COG5: variants seen among roughly 807,000 people sequenced by gnomAD.
COG5 encodes the protein conserved oligomeric Golgi complex subunit 5.
A neutral mutation model predicts 110.4 loss-of-function variants in COG5; 86 were observed. The observed-to-expected ratio is 0.78, with a 90% CI of 0.65 to 0.93. COG5 has a LOEUF of 0.93. COG5 is among the 40% of genes least tolerant of loss of function. The probability of loss-of-function intolerance (pLI) is 0.00; values close to 1 mark genes in which losing one functional copy is unlikely to be tolerated. For missense variants in COG5, 1,077 were observed against 987.0 expected (o/e 1.09, Z -1.22); for synonymous variants, 360 against 334.6 (o/e 1.08, Z -0.83).
rs527333305 is a variant in COG5 at position 107,392,618 on chromosome 7, TAAA to T, written c.670-19861_670-19859del. Among the ~76,000 whole-genome samples, 18 of 148,102 alleles carry T rather than the reference TAAA, an allele frequency of 1.2e-4. No homozygotes were observed. The South Asian group carries it at 3.8e-3, about 31-fold the overall frequency. Reference sequence around the variant, plus strand: ...GAGTTTTCTGTTTCACTAAGAATATTAAAAAACAACTTACTATCTACTATCACT... The same window carrying T: ...GAGTTTTCTGTTTCACTAAGAATATTAAACAACTTACTATCTACTATCACT... On this transcript the variant is annotated intron_variant, in intron 7 of 21. Transcript: ENST00000297135.
At chr7:107,265,387 C>G (rs1803714891) in intron 14 of COG5, among the ~76,000 whole-genome samples, 1 of 152,132 alleles carries the variant, frequency 6.6e-6, no homozygotes, top group Non-Finnish European at 1.5e-5. Context: ...AAGTGATCCT[C>G]CCATCTCAGC....
At chr7:107,352,613 A>ACTGAAAAGATTTCAAAT in intron 10 of COG5, among the ~76,000 whole-genome samples, 1 of 99,666 alleles carries the variant, frequency 1.0e-5, no homozygotes, top group Admixed American at 9.5e-5. Flanking sequence ...ATCTCATAAT[A>ACTGAAAAGATTTCAAAT]TTGAAAAGAT....
intron 16 of COG5, among the ~76,000 whole-genome samples, chr7:107,250,762 G>T (rs528146101): frequency 6.6e-6 from 1 of 152,150 alleles, no homozygotes; most frequent in South Asian, 2.1e-4. Context: ...GATAGGCTTC[G>T]TAGAAGAATT....
intron 5 of COG5, among the ~76,000 whole-genome samples, chr7:107,541,496 CAAAAAAAA>C (rs869244428): frequency 1.0e-3 from 33 of 31,892 alleles, no homozygotes; most frequent in East Asian, 2.9e-3. Context: ...GACCCTGTCT[CAAAAAAAA>C]AAAAAAAAAA....
rs1796831420 is a variant in COG5, at chr7:107,474,218, T to C, written c.538+53019A>G. 1.2e-6 allele frequency: 2 copies of C among 1,613,274 alleles called. No homozygotes were observed. Among genetic ancestry groups the C allele is most frequent in the Non-Finnish European group, 1.7e-6 (2 of 1,179,398 alleles). On this transcript the variant is annotated intron_variant, in intron 6 of 21. Transcript: ENST00000297135. This position sits in a 1 kb window ranked among gnomAD's most constrained non-coding sequence, Gnocchi z 5.7. ...ACCGGATTTCTTATGTTAGAAATTG[T>C]GTTGGGACTTGGCAGCAACCTCACT... is the stretch of plus-strand genomic sequence containing the variant.
rs961806946 is a variant in COG5 at position 107,346,225 on chromosome 7, T to C, written c.1026+15808A>G. On this transcript the variant is annotated intron_variant, in intron 10 of 21. Coordinates refer to ENST00000297135, the MANE Select transcript of COG5 (RefSeq NM_006348.5). Reference sequence around the variant, plus strand: ...CAAACATATTATGGAAACATTTCTTTAGGCCTTCCCATTATAAGTTTTCTT... The same window carrying C: ...CAAACATATTATGGAAACATTTCTTCAGGCCTTCCCATTATAAGTTTTCTT... Among the ~76,000 whole-genome samples, 62 of 152,218 alleles carry C rather than the reference T, an allele frequency of 4.1e-4. 1 individual carries two copies. The highest frequency in any genetic ancestry group is 1.4e-3 in the African/African-American group (58 of 41,460).
chr7:107,223,879 G>C (rs998095706), intron 19 of COG5, among the ~76,000 whole-genome samples: 2 of 152,184 alleles, frequency 1.3e-5, no homozygotes, highest in African/African-American at 4.8e-5. Flanking sequence ...AGGGCTAAAT[G>C]AGGAAGTATC....
At chr7:107,489,010 C>A (rs1315160834) in intron 6 of COG5, among the ~76,000 whole-genome samples, 1 of 152,218 alleles carries the variant, frequency 6.6e-6, no homozygotes, top group Admixed American at 6.6e-5. Flanking sequence ...ATTTTTCCAA[C>A]CTTTGGAATG....
chr7:107,494,719 G>A (rs561103181), intron 6 of COG5, among the ~76,000 whole-genome samples: 18 of 152,114 alleles, frequency 1.2e-4, no homozygotes, highest in South Asian at 2.1e-4. Flanking sequence ...ATTTGAAGGC[G>A]ACAGAAATAA....
intron 7 of COG5, among the ~76,000 whole-genome samples, chr7:107,397,170 G>A (rs1791077540): frequency 6.6e-6 from 1 of 152,220 alleles, no homozygotes; most frequent in Non-Finnish European, 1.5e-5. Flanking sequence ...TCTGGCCAGT[G>A]AGACATAAGG....
At position 107,201,702 on chromosome 7, in the gene COG5, A is replaced by G. The variant is rs1456564176; in HGVS notation, c.*1814T>C. 1 of 363,994 alleles carries G rather than the reference A, an allele frequency of 2.7e-6. No individual in the cohort carries two copies. The highest frequency in any genetic ancestry group is 2.1e-5 in the African/African-American group (1 of 47,882). 22.5% of individuals were successfully genotyped at this position (363,994 alleles called of 1,614,324 possible). ...CTATCAGGTAATAATAGGCTTGAAA[A>G]TTGATATCCTGTGGTGCTAAAGTAC... On this transcript the variant is annotated 3_prime_UTR_variant, in exon 22 of 22. Transcript: ENST00000297135.
At chr7:107,543,002 G>C (rs1802150681) in intron 5 of COG5, among the ~76,000 whole-genome samples, 1 of 149,074 alleles carries the variant, frequency 6.7e-6, no homozygotes, top group Non-Finnish European at 1.5e-5. Flanking sequence ...AAGCAATATA[G>C]ATGAATTCAA....
intron 6 of COG5, among the ~76,000 whole-genome samples, chr7:107,455,994 T>TC (rs1206700712): frequency 6.6e-6 from 1 of 152,000 alleles, no homozygotes; most frequent in Non-Finnish European, 1.5e-5. Flanking sequence ...AGACAGGGTT[T>TC]CCCCATGTTG....
intron 6 of COG5, among the ~76,000 whole-genome samples, chr7:107,429,136 T>A (rs1793846414): frequency 1.3e-5 from 2 of 152,234 alleles, no homozygotes; most frequent in Non-Finnish European, 2.9e-5. Flanking sequence ...GAGTACCACT[T>A]AAAATTTTAT....
At position 107,202,176 on chromosome 7, in the gene COG5, T is replaced by C. The variant is rs190095596; in HGVS notation, c.*1340A>G. ...TTAACAAACAGTCAACACCATTGTA[T>C]TTTTTAACTTCGTGTTCTGTATCTC... is the stretch of plus-strand genomic sequence containing the variant. On this transcript the variant is annotated 3_prime_UTR_variant, in exon 22 of 22. Coordinates refer to ENST00000297135, the MANE Select transcript of COG5 (RefSeq NM_006348.5). 39 of 152,808 alleles carry C rather than the reference T, an allele frequency of 2.6e-4. No homozygotes were observed. Among genetic ancestry groups the C allele is most frequent in the Non-Finnish European group, 4.6e-4 (31 of 68,040 alleles). The allele number at this position is 152,808 out of a possible 1,614,324, so 9.5% of individuals were successfully genotyped here. A position where few individuals can be genotyped will look rare whatever the true frequency, so the allele number is the denominator to read the frequency against.
At chr7:107,383,708 T>C (rs1243288198) in intron 7 of COG5, among the ~76,000 whole-genome samples, 2 of 152,154 alleles carry the variant, frequency 1.3e-5, no homozygotes, top group African/African-American at 2.4e-5. Context: ...TTCCTCTCTT[T>C]CTAAATGGGC....
intron 5 of COG5, among the ~76,000 whole-genome samples, chr7:107,534,040 C>T (rs557504066): frequency 6.6e-6 from 1 of 151,662 alleles, no homozygotes; most frequent in African/African-American, 2.4e-5. Context: ...GAATTTTCAA[C>T]CCAGAATTTC....
chr7:107,303,637 T>A lies in COG5; in HGVS notation c.1109-5291A>T, dbSNP rs191735864. Among the ~76,000 whole-genome samples, 66 of 152,108 alleles carry A rather than the reference T, an allele frequency of 4.3e-4. 2 individuals are homozygous for A. The highest frequency in any genetic ancestry group is 1.5e-3 in the African/African-American group (63 of 41,512). ...TTGTAGAGATGAGGTCTCCCTATGT[T>A]GCTCAAACTCCTAGGCTGGTCTCAA... On this transcript the variant is annotated intron_variant, in intron 11 of 21. Transcript: ENST00000297135.
chr7:107,301,800 TG>T (rs1237242068), intron 11 of COG5, among the ~76,000 whole-genome samples: 4 of 151,900 alleles, frequency 2.6e-5, no homozygotes, highest in African/African-American at 7.3e-5. Context: ...ATCCAGGAGG[TG>T]GAGGTTGCAG....
Sources: gnomAD v4.1 joint callset for allele counts (sites outside exome capture counted in the v4.1 genomes callset) on GRCh38, gnomAD v4.1.1 for gene constraint, Gnocchi (gnomAD v3.1) non-coding constraint, MANE v1.5 for transcripts, NCBI Gene and HGNC (gene_info 2026-07-23, HGNC 2026-07-21) for gene names.